Variants in HBS1L observed in about 807,000 individuals in gnomAD.
HBS1L encodes the protein HBS1-like protein.
HBS1L carries 55 observed loss-of-function variants against 88.9 expected under a neutral mutation model. That is an observed-to-expected ratio of 0.62 (90% confidence interval 0.50 to 0.77). The LOEUF is 0.77. Ranked by LOEUF, HBS1L falls within the 30% of genes least tolerant of loss-of-function variation. The pLI is 0.00. For missense variants in HBS1L, 741 were observed against 829.3 expected (o/e 0.89, Z 1.31); for synonymous variants, 267 against 288.5 (o/e 0.93, Z 0.76).
intron 4 of HBS1L, among the ~76,000 whole-genome samples, chr6:135,026,471 A>C (rs1776229282): frequency 6.6e-6 from 1 of 152,168 alleles, no homozygotes; most frequent in Non-Finnish European, 1.5e-5. Flanking sequence ...AAATATGTAA[A>C]TATAAAAGAC....
At chr6:134,979,349 G>T in intron 13 of HBS1L, 81 bp from the exon 14 acceptor site, 1 of 976,764 alleles carries the variant, frequency 1.0e-6, no homozygotes, top group Non-Finnish European at 1.6e-6. Context: ...TGGCTGATTT[G>T]TGCTTCATCA....
At position 134,996,867 on chromosome 6, in the gene HBS1L, A is replaced by T; in HGVS notation, c.875T>A (p.Met292Lys). The change falls in exon 7 of 18, where the codon ATG becomes AAG. Residue 292 changes from methionine to lysine, a missense_variant. Met to Lys is a moderately conservative substitution (Grantham distance 95). This residue lies in a region of HBS1L where 556 missense variants were observed against 598.4 expected (regional missense o/e 0.93). Transcript: ENST00000367837. ...TTTAGACTCCTGTTCATACTTATGC[A>T]TAGTTCTTTTGTTTATATTACCCAG... ...YLLGNINKRT[M>K]HKYEQESKKA... 6.2e-7 allele frequency: 1 copy of T among 1,611,720 alleles called. No individual in the cohort carries two copies. Among genetic ancestry groups the T allele is most frequent in the Non-Finnish European group, 8.5e-7 (1 of 1,179,002 alleles).
chr6:135,016,110 T>C (rs1277605544), intron 4 of HBS1L, among the ~76,000 whole-genome samples: 1 of 151,970 alleles, frequency 6.6e-6, no homozygotes, highest in Non-Finnish European at 1.5e-5. Flanking sequence ...GGTCTCGAAC[T>C]CCCAACCTCA....
intron 2 of HBS1L, among the ~76,000 whole-genome samples, chr6:135,048,290 A>C (rs1254527967): frequency 6.6e-6 from 1 of 152,186 alleles, no homozygotes; most frequent in Non-Finnish European, 1.5e-5. Context: ...CAGTTTTTCC[A>C]AAACTCCCAG....
intron 4 of HBS1L, among the ~76,000 whole-genome samples, chr6:135,038,734 C>G (rs1355418830): frequency 1.3e-5 from 2 of 152,072 alleles, no homozygotes; most frequent in African/African-American, 4.8e-5. Context: ...CCACTGAATT[C>G]CAAATTTAAC....
chr6:135,039,972 A>G (rs999164868), intron 3 of HBS1L, among the ~76,000 whole-genome samples: 1 of 152,242 alleles, frequency 6.6e-6, no homozygotes, highest in Non-Finnish European at 1.5e-5. Flanking sequence ...TTAATTTAAA[A>G]ATCACTATAA....
Position 135,007,710 on chromosome 6 carries a change from A to T in HBS1L, c.431-4868T>A, listed in dbSNP as rs189723535. 3.2e-3 allele frequency among the ~76,000 whole-genome samples: 491 copies of T among 152,322 alleles called. 1 individual carries two copies. The highest frequency in any genetic ancestry group is 0.011 in the African/African-American group (477 of 41,574). On this transcript the variant is annotated intron_variant, in intron 4 of 17. Transcript: ENST00000367837. ...ATAGCAAGTCATAGATCAATAAGAG[A>T]TACATATATATAATCAAATCCATAT...
chr6:134,994,352 A>C (rs896389674), intron 7 of HBS1L, among the ~76,000 whole-genome samples: 1 of 152,276 alleles, frequency 6.6e-6, no homozygotes, highest in African/African-American at 2.4e-5. Context: ...AGAAAACATA[A>C]GATATCAAAG....
chr6:135,006,730 T>C (rs1775624022), intron 4 of HBS1L, among the ~76,000 whole-genome samples: 1 of 151,754 alleles, frequency 6.6e-6, no homozygotes, highest in African/African-American at 2.4e-5. Flanking sequence ...ACAGCAAAAG[T>C]GGAGGGGAGT....
chr6:134,966,167 C>T (rs1774307343), intron 17 of HBS1L, among the ~76,000 whole-genome samples, 162 bp downstream of exon 17: 1 of 152,092 alleles, frequency 6.6e-6, no homozygotes, highest in Non-Finnish European at 1.5e-5. Flanking sequence ...CCAAATATAA[C>T]CCTATCCCTT....
intron 5 of HBS1L, among the ~76,000 whole-genome samples, chr6:135,001,596 A>C (rs1438355388): frequency 6.6e-6 from 1 of 152,160 alleles, no homozygotes; most frequent in Non-Finnish European, 1.5e-5. Context: ...AGAAGGAAAA[A>C]AGGCATACAC....
In HBS1L at chr6:135,034,024, C is replaced by T. The variant is rs111229204; in HGVS notation, c.430+5549G>A. Among the ~76,000 whole-genome samples, 907 of 152,158 alleles carry T rather than the reference C, an allele frequency of 6.0e-3. 3 individuals carry two copies. The highest frequency in any genetic ancestry group is 0.011 in the Non-Finnish European group (749 of 67,992). On this transcript the variant is annotated intron_variant, in intron 4 of 17. Coordinates refer to ENST00000367837, the MANE Select transcript of HBS1L (RefSeq NM_006620.4). ...ACTGGGATAACTCAAATTTTAAAAT[C>T]ATTCACAAAATATAGCTTGTGATTT...
intron 15 of HBS1L, among the ~76,000 whole-genome samples, chr6:134,977,484 A>AT (rs1774682416): frequency 6.6e-6 from 1 of 151,982 alleles, no homozygotes; most frequent in Non-Finnish European, 1.5e-5. Context: ...AACTATAGCA[A>AT]TTTTTTTAAA....
At chr6:135,022,242 C>T (rs1776092385) in intron 4 of HBS1L, among the ~76,000 whole-genome samples, 1 of 149,684 alleles carries the variant, frequency 6.7e-6, no homozygotes. Flanking sequence ...TAATTTTTTA[C>T]TAAAAGGATG....
chr6:134,978,726 G>C lies in HBS1L; in HGVS notation c.1750C>G (p.Arg584Gly). ...ATTTCAATATTAAAGATGAGGATTC[G>C]GGCTCTGAAACGAGTGCAAGCTTTA... ...PIKACTRFRA[R>G]ILIFNIEIPI... Residue 584 changes from arginine to glycine, a missense_variant, in exon 15 of 18, where the codon CGA (arginine) becomes GGA (glycine). This residue lies in a region of HBS1L where 181 missense variants were observed against 212.7 expected (regional missense o/e 0.85). Coordinates refer to ENST00000367837, the MANE Select transcript of HBS1L (RefSeq NM_006620.4). 6.2e-7 allele frequency: 1 copy of C among 1,609,150 alleles called. No individual in the cohort carries two copies. Among genetic ancestry groups the C allele is most frequent in the Non-Finnish European group, 8.5e-7 (1 of 1,177,114 alleles).
intron 1 of HBS1L, 75 bp from the exon 2 acceptor site, chr6:135,050,722 TGAA>T: frequency 4.6e-6 from 4 of 872,700 alleles, no homozygotes; most frequent in Non-Finnish European, 7.2e-6. Context: ...AGGAAGCATC[TGAA>T]TCCTCTCCAA....
chr6:134,966,235 C>T, intron 17 of HBS1L, 94 bp downstream of exon 17: 1 of 1,127,802 alleles, frequency 8.9e-7, no homozygotes, highest in Admixed American at 2.4e-5. Flanking sequence ...CTTTTTCTTT[C>T]ATTCCCTCAA....
intron 4 of HBS1L, among the ~76,000 whole-genome samples, chr6:135,024,504 T>G (rs1291210457): frequency 6.7e-6 from 1 of 149,202 alleles, no homozygotes; most frequent in Non-Finnish European, 1.5e-5. Context: ...TTCTGAATTT[T>G]CCTGTGGAAG....
chr6:135,002,069 A>AGATTT (rs1562290282), intron 5 of HBS1L, among the ~76,000 whole-genome samples: 1 of 151,168 alleles, frequency 6.6e-6, no homozygotes, highest in Non-Finnish European at 1.5e-5. Context: ...TATAAGTAAC[A>AGATTT]ATTGAAAATT....
Sources: gnomAD v4.1 joint callset for allele counts (sites outside exome capture counted in the v4.1 genomes callset) on GRCh38, gnomAD v4.1.1 for gene constraint, gnomAD v4.1.1 regional missense constraint, MANE v1.5 for transcripts, NCBI Gene and HGNC (gene_info 2026-07-23, HGNC 2026-07-21) for gene names.